ADAM28: variants seen among roughly 807,000 people sequenced by gnomAD.
The protein encoded by ADAM28 is ADAM metallopeptidase domain 28.
In ADAM28, 105 loss-of-function variants were observed where a neutral mutation model predicts 101.2. The ratio of observed to expected loss-of-function variants is 1.04; its 90% CI spans 0.89 to 1.22. The LOEUF (loss-of-function observed/expected upper bound fraction) is 1.22, where lower values mean the gene tolerates loss of function less well. Among genes scored for constraint, ADAM28 ranks in the 50% most tolerant of loss-of-function variants. The pLI, the probability that ADAM28 is intolerant of heterozygous loss-of-function variation, is 0.00. For missense variants in ADAM28, 1,028 were observed against 945.4 expected, an observed-to-expected ratio of 1.09 and a Z score of -1.15; for synonymous variants, 322 against 310.6, an observed-to-expected ratio of 1.04 and a Z score of -0.39.
intron 2 of ADAM28, among the ~76,000 whole-genome samples, chr8:24,305,750 C>A (rs1264065634): frequency 6.6e-6 from 1 of 152,098 alleles, no homozygotes; most frequent in Admixed American, 6.6e-5. Context: ...CAAGTTCTCT[C>A]CTGCTCCCTT....
In ADAM28 at chr8:24,331,098, C is replaced by T. The variant is rs187405106; in HGVS notation, c.1104-52C>T. 1.1e-4 allele frequency: 164 copies of T among 1,515,492 alleles called. 1 individual carries two copies. In the South Asian group the frequency reaches 1.3e-3, roughly 12 times the overall value. 93.9% of individuals were successfully genotyped at this position (1,515,492 alleles called of 1,614,324 possible). ...TTGTGCCTAATGTCAGATACTGCTT[C>T]GCACATGTTAAGCATGACTATATTC... On this transcript the variant is annotated intron_variant, in intron 11 of 22. Transcript: ENST00000265769.
In ADAM28 at chr8:24,311,348, C is replaced by T; in HGVS notation, c.307-13C>T. ...CACATGTACTTCTCTTTACAAAACC[C>T]CTTTTCCTTTAGGATGATTGTTATT... On this transcript the variant is annotated splice_polypyrimidine_tract_variant and intron_variant, in intron 4 of 22. Transcript: ENST00000265769. 1 of 1,603,838 alleles carries T rather than the reference C, an allele frequency of 6.2e-7. No homozygotes were observed. Among genetic ancestry groups the T allele is most frequent in the Non-Finnish European group, 8.5e-7 (1 of 1,175,580 alleles).
intron 18 of ADAM28, among the ~76,000 whole-genome samples, chr8:24,348,626 A>C (rs1299000624): frequency 1.3e-5 from 2 of 152,168 alleles, no homozygotes; most frequent in Non-Finnish European, 2.9e-5. Context: ...CAAAAAATTT[A>C]AAGATTAAAA....
chr8:24,350,070 T>C (rs1181203975), intron 19 of ADAM28, 98 bp downstream of exon 19: 1 of 1,041,686 alleles, frequency 9.6e-7, no homozygotes, highest in South Asian at 2.0e-5. Context: ...TTGAATTGGT[T>C]TACTTCTAAT....
At chr8:24,335,350 C>T in intron 13 of ADAM28, 96 bp from the exon 14 acceptor site, 1 of 1,444,252 alleles carries the variant, frequency 6.9e-7, no homozygotes, top group Non-Finnish European at 9.1e-7. Flanking sequence ...CTACTATGCC[C>T]AAAAAGTCCA....
chr8:24,311,601 G>C (rs951266605), intron 5 of ADAM28, among the ~76,000 whole-genome samples, 164 bp downstream of exon 5: 1 of 152,160 alleles, frequency 6.6e-6, no homozygotes, highest in Non-Finnish European at 1.5e-5. Context: ...TCTCTTGATA[G>C]TGGCTTGTAA....
At chr8:24,329,196 T>A (rs1813020276) in intron 10 of ADAM28, among the ~76,000 whole-genome samples, 1 of 152,126 alleles carries the variant, frequency 6.6e-6, no homozygotes, top group African/African-American at 2.4e-5. Context: ...ATAGTGTGTC[T>A]AGGTATCAAC....
chr8:24,355,401 T>C lies in ADAM28; in HGVS notation c.*997T>C, dbSNP rs200846581. The C allele has an allele frequency of 1.6e-5, 2 of 121,788 alleles. No individual in the cohort carries two copies. The highest frequency in any genetic ancestry group is 3.6e-5 in the Non-Finnish European group (2 of 55,984). The allele number at this position is 121,788 out of a possible 1,614,324, so 7.5% of individuals were successfully genotyped here. On this transcript the variant is annotated 3_prime_UTR_variant, in exon 23 of 23. Coordinates refer to ENST00000265769, the MANE Select transcript of ADAM28 (RefSeq NM_014265.6). ...TTCTAGGAAAGAATATCCTATCTAA[T>C]CTATCTATCTCAGGGATAAATCCCT...
intron 14 of ADAM28, among the ~76,000 whole-genome samples, chr8:24,337,729 T>C (rs1381004422): frequency 6.6e-6 from 1 of 152,232 alleles, no homozygotes; most frequent in Non-Finnish European, 1.5e-5. Context: ...TATTTTAAAT[T>C]AATCTGGGAA....
chr8:24,351,521 G>A, intron 20 of ADAM28: 1 of 623,334 alleles, frequency 1.6e-6, no homozygotes, highest in Non-Finnish European at 2.9e-6. Context: ...ACAGAATAAA[G>A]AGAACAAAGA....
chr8:24,351,409 G>T, intron 20 of ADAM28, 99 bp downstream of exon 20: 1 of 1,266,960 alleles, frequency 7.9e-7, no homozygotes, highest in Non-Finnish European at 1.2e-6. Context: ...ACCCAGCAGC[G>T]TTTTGCAGTA....
intron 5 of ADAM28, 82 bp downstream of exon 5, chr8:24,311,519 A>G (rs1049224690): frequency 8.1e-6 from 9 of 1,108,650 alleles, no homozygotes; most frequent in African/African-American, 8.0e-5. Flanking sequence ...AATCCCAAAT[A>G]TCATTAATTT....
intron 2 of ADAM28, among the ~76,000 whole-genome samples, chr8:24,307,411 A>C (rs1173876474): frequency 1.3e-5 from 2 of 152,204 alleles, no homozygotes; most frequent in East Asian, 3.9e-4. Context: ...TTCTGACTTG[A>C]TCACACATGC....
At chr8:24,307,778 C>T (rs1037526058) in intron 2 of ADAM28, among the ~76,000 whole-genome samples, 2 of 152,132 alleles carry the variant, frequency 1.3e-5, no homozygotes, top group African/African-American at 4.8e-5. Flanking sequence ...TTCTTAGAGG[C>T]CCAAACCATC....
intron 16 of ADAM28, 72 bp downstream of exon 16, chr8:24,341,829 G>A (rs923074347): frequency 1.8e-5 from 28 of 1,592,782 alleles, no homozygotes; most frequent in African/African-American, 5.4e-5. Flanking sequence ...TTTGCCCCTC[G>A]GTTATTCACT....
At position 24,306,381 on chromosome 8, in the gene ADAM28, TATATTTAAAA is replaced by T. The variant is rs1563270707; in HGVS notation, c.151-3508_151-3499del. Reference sequence around the variant, plus strand: ...ATAAATAAATATATATATATATATATATATTTAAAAATATATATATATATGTTCCACACAA... The same window carrying T: ...ATAAATAAATATATATATATATATATATATATATATATATGTTCCACACAA... On this transcript the variant is annotated intron_variant, in intron 2 of 22. Coordinates refer to ENST00000265769, the MANE Select transcript of ADAM28 (RefSeq NM_014265.6). 5.8e-5 allele frequency among the ~76,000 whole-genome samples: 8 copies of T among 137,694 alleles called. 1 individual carries two copies. Among genetic ancestry groups the T allele is most frequent in the Non-Finnish European group, 1.1e-4 (7 of 64,606 alleles). The allele number at this position is 137,694 out of a possible 152,430, so 90.3% of individuals were successfully genotyped here. A position where few individuals can be genotyped will look rare whatever the true frequency, so the allele number is the denominator to read the frequency against.
rs187122192 is a variant in ADAM28, at chr8:24,316,548, A to G, written c.576+2968A>G. On this transcript the variant is annotated intron_variant, in intron 6 of 22. Transcript: ENST00000265769. ...CTCTAAAATATGTCTCAGCCCAAGCATTAAGGTTTACCTGCCCACTCTTCT... is the reference window on the plus strand; with the variant it reads ...CTCTAAAATATGTCTCAGCCCAAGCGTTAAGGTTTACCTGCCCACTCTTCT... 3.3e-5 allele frequency among the ~76,000 whole-genome samples: 5 copies of G among 152,146 alleles called. No individual in the cohort carries two copies. In the East Asian group the frequency reaches 7.7e-4, roughly 23 times the overall value.
intron 16 of ADAM28, 27 bp downstream of exon 16, chr8:24,341,784 A>C: frequency 6.2e-7 from 1 of 1,613,034 alleles, no homozygotes; most frequent in African/African-American, 1.3e-5. Flanking sequence ...GCTTTCACTC[A>C]AAATAGTGTT....
chr8:24,326,657 T>G, intron 10 of ADAM28, 22 bp downstream of exon 10: 2 of 1,595,784 alleles, frequency 1.3e-6, no homozygotes, highest in African/African-American at 1.3e-5. Context: ...GATAAACTGT[T>G]GGTTCTATGA....
Sources: gnomAD v4.1 joint callset for allele counts (sites outside exome capture counted in the v4.1 genomes callset) on GRCh38, gnomAD v4.1.1 for gene constraint, MANE v1.5 for transcripts, NCBI Gene and HGNC (gene_info 2026-07-23, HGNC 2026-07-21) for gene names.